The following CLTC variants were observed in gnomAD, a reference collection of about 807,000 sequenced individuals.
The protein encoded by CLTC is clathrin heavy chain 1.
In CLTC, 16 loss-of-function variants were observed where a neutral mutation model predicts 195.8. The ratio of observed to expected loss-of-function variants is 0.08; its 90% confidence interval spans 0.06 to 0.12. The LOEUF (loss-of-function observed/expected upper bound fraction) is 0.12. CLTC is among the 10% of genes least tolerant of loss of function. The pLI, the probability that CLTC is intolerant of heterozygous loss-of-function variation, is 1.00. For missense variants in CLTC, 796 were observed against 2,027.0 expected (o/e 0.39, Z 11.66); for synonymous variants, 667 against 689.4 (o/e 0.97, Z 0.51).
At chr17:59,688,409 C>T (rs1292214527) in intron 30 of CLTC, among the ~76,000 whole-genome samples, 1 of 152,186 alleles carries the variant, frequency 6.6e-6, no homozygotes, top group Non-Finnish European at 1.5e-5. Flanking sequence ...ACAGATGGAA[C>T]TGAATTCATT....
intron 1 of CLTC, among the ~76,000 whole-genome samples, chr17:59,629,327 C>G (rs2031643159): frequency 6.6e-6 from 1 of 152,090 alleles, no homozygotes; most frequent in Non-Finnish European, 1.5e-5. Flanking sequence ...TGCTTCTGTT[C>G]TGAGCACCAG....
chr17:59,677,116 T>C lies in CLTC; in HGVS notation c.2724T>C (p.Tyr908=), dbSNP rs755044218. 2 of 1,614,042 alleles carry C rather than the reference T, an allele frequency of 1.2e-6. No homozygotes were observed. Among genetic ancestry groups the C allele is most frequent in the East Asian group, 2.2e-5 (1 of 44,868 alleles). The change falls in exon 17 of 32, where the codon TAT becomes TAC. Residue 908 remains tyrosine (Y), a synonymous_variant. Transcript: ENST00000269122. ...ATGACAGTCGCGTTGTTGGAAAGTA[T>C]TGTGAGAAGAGAGATCCACATCTGG... The part of the protein sequence containing the change: ...PYYDSRVVGK[Y]CEKRDPHLAC...
At position 59,695,368 on chromosome 17, in the gene CLTC, C is replaced by T. The variant is rs977555638; in HGVS notation, c.*1516C>T. The T allele has an allele frequency of 3.3e-5, 6 of 180,986 alleles. No homozygotes were observed. The highest frequency in any genetic ancestry group is 7.1e-5 in the Non-Finnish European group (6 of 84,822). 11.2% of individuals were successfully genotyped at this position (180,986 alleles called of 1,614,324 possible). A position where few individuals can be genotyped will look rare whatever the true frequency, so the allele number is the denominator to read the frequency against. ...AAGAGTTTTTTAAAACTTAAAATCC[C>T]TGTCCCACCAGGTGTGGTGGCTCAT... is the stretch of plus-strand genomic sequence containing the variant. On this transcript the variant is annotated 3_prime_UTR_variant, in exon 32 of 32. Transcript: ENST00000269122.
In CLTC at chr17:59,690,720, T is replaced by G; in HGVS notation, c.4903+9T>G. The G allele has an allele frequency of 1.3e-6, 2 of 1,597,292 alleles. No individual in the cohort carries two copies. The highest frequency in any genetic ancestry group is 1.7e-6 in the Non-Finnish European group (2 of 1,166,524). Reference sequence around the variant, plus strand: ...ACAACCCATTGTTTATGGTAATCTCTCTCTGTAACCTCAAAAAATTCATTA... The same window carrying G: ...ACAACCCATTGTTTATGGTAATCTCGCTCTGTAACCTCAAAAAATTCATTA... On this transcript the variant is annotated intron_variant, in intron 31 of 31. Coordinates refer to ENST00000269122, the MANE Select transcript of CLTC (RefSeq NM_004859.4).
At chr17:59,633,038 AATCATTTTAAT>A (rs1201353080) in intron 1 of CLTC, among the ~76,000 whole-genome samples, 1 of 30,920 alleles carries the variant, frequency 3.2e-5, no homozygotes, top group East Asian at 7.2e-4. Flanking sequence ...TTGTCATTTT[AATCATTTTAAT>A]GTCATTTTAA....
rs1289396704 is a variant in CLTC, at chr17:59,696,778, C to CTGT, written c.*2928_*2930dup. ...CTTACTTGGGCCCACCCATTTCCAT[C>CTGT]TGTTAAGGTCCATAAGGTTACTCAA... On this transcript the variant is annotated 3_prime_UTR_variant, in exon 32 of 32. Transcript: ENST00000269122. 4 of 204,790 alleles carry CTGT rather than the reference C, an allele frequency of 2.0e-5. No homozygotes were observed. The highest frequency in any genetic ancestry group is 4.6e-5 in the African/African-American group (2 of 43,908). The allele number at this position is 204,790 out of a possible 1,614,324, so 12.7% of individuals were successfully genotyped here.
At chr17:59,636,587 C>T (rs957625840) in intron 1 of CLTC, among the ~76,000 whole-genome samples, 1 of 151,850 alleles carries the variant, frequency 6.6e-6, no homozygotes, top group Non-Finnish European at 1.5e-5. Flanking sequence ...CTCCTGGCCT[C>T]AAGCTATCCT....
At chr17:59,631,077 G>C (rs2031700648) in intron 1 of CLTC, among the ~76,000 whole-genome samples, 1 of 152,144 alleles carries the variant, frequency 6.6e-6, no homozygotes. Context: ...TGGGGTGTTG[G>C]GATGATTCGT....
At chr17:59,625,256 G>A (rs535640395) in intron 1 of CLTC, among the ~76,000 whole-genome samples, 11 of 151,826 alleles carry the variant, frequency 7.2e-5, no homozygotes, top group South Asian at 2.1e-4. Flanking sequence ...CTACAGGCGC[G>A]TGCTACCACG....
At chr17:59,624,029 C>G (rs1387385601) in intron 1 of CLTC, among the ~76,000 whole-genome samples, 1 of 152,162 alleles carries the variant, frequency 6.6e-6, no homozygotes, top group Non-Finnish European at 1.5e-5. Flanking sequence ...ACTCATTGTT[C>G]AAAAGTTTTA....
intron 30 of CLTC, chr17:59,687,281 A>C (rs556759608): frequency 6.6e-6 from 1 of 152,340 alleles, no homozygotes; most frequent in Admixed American, 6.5e-5. Context: ...TCTTAAATAT[A>C]TTATGAAAAA....
In CLTC at chr17:59,683,798, T is replaced by C. The variant is rs2033123232; in HGVS notation, c.4323+42T>C. On this transcript the variant is annotated intron_variant, in intron 27 of 31. Coordinates refer to ENST00000269122, the MANE Select transcript of CLTC (RefSeq NM_004859.4). This position sits in a 1 kb window ranked among gnomAD's most constrained non-coding sequence, Gnocchi z 6.1. ...AAACCAAAGCTTCATAGCAAGGAAT[T>C]AGGACATACTTCGATAACTTTTGTC... is the stretch of plus-strand genomic sequence containing the variant. 1 of 1,613,462 alleles carries C rather than the reference T, an allele frequency of 6.2e-7. No homozygotes were observed. Among genetic ancestry groups the C allele is most frequent in the Non-Finnish European group, 8.5e-7 (1 of 1,179,458 alleles).
intron 7 of CLTC, 73 bp from the exon 8 acceptor site, chr17:59,661,370 C>G: frequency 2.5e-6 from 3 of 1,180,508 alleles, no homozygotes; most frequent in Non-Finnish European, 3.8e-6. Flanking sequence ...ATGTTTGGAT[C>G]ACTTTCGAAG....
chr17:59,648,065 T>C lies in CLTC; in HGVS notation c.520-175T>C, dbSNP rs1423800820. Among the ~76,000 whole-genome samples the C allele has an allele frequency of 1.3e-5, 2 of 152,208 alleles. No homozygotes were observed. Among genetic ancestry groups the C allele is most frequent in the Non-Finnish European group, 2.9e-5 (2 of 68,038 alleles). On this transcript the variant is annotated intron_variant, in intron 3 of 31. Transcript: ENST00000269122. This position sits in a 1 kb window ranked among gnomAD's most constrained non-coding sequence, Gnocchi z 4.5. ...TTTATGTTAGGCTTTAACAAGATAA[T>C]GTTTGGGGCTGATTTTAAGTTAAGA...
chr17:59,629,937 A>G (rs910339430), intron 1 of CLTC, among the ~76,000 whole-genome samples: 4 of 152,214 alleles, frequency 2.6e-5, no homozygotes, highest in Non-Finnish European at 4.4e-5. Context: ...TTTGAAAAGC[A>G]TTGTGAAATG....
chr17:59,674,885 C>T (rs2032930627), intron 16 of CLTC, 42 bp downstream of exon 16: 12 of 1,569,388 alleles, frequency 7.6e-6, no homozygotes, highest in Non-Finnish European at 1.0e-5. Flanking sequence ...TCTTTCTTAA[C>T]ATGGCAATAG....
chr17:59,676,558 A>C (rs193301174), intron 16 of CLTC, among the ~76,000 whole-genome samples: 1 of 152,264 alleles, frequency 6.6e-6, no homozygotes, highest in Non-Finnish European at 1.5e-5. Flanking sequence ...ATCATATAGC[A>C]GATAAACCTG....
At chr17:59,668,648 A>G (rs1038882330) in intron 13 of CLTC, 129 bp from the exon 14 acceptor site, 3 of 662,378 alleles carry the variant, frequency 4.5e-6, no homozygotes, top group Non-Finnish European at 7.3e-6. Flanking sequence ...TAGTATTTTT[A>G]TCGCGCTTTT....
At chr17:59,689,594 G>T (rs1255925268) in intron 30 of CLTC, 1 of 152,110 alleles carries the variant, frequency 6.6e-6, no homozygotes, top group Non-Finnish European at 1.5e-5. Flanking sequence ...TTTTACTTAG[G>T]TATAATGACA....
Sources: gnomAD v4.1 joint callset for allele counts (sites outside exome capture counted in the v4.1 genomes callset) on GRCh38, gnomAD v4.1.1 for gene constraint, Gnocchi (gnomAD v3.1) non-coding constraint, MANE v1.5 for transcripts, NCBI Gene and HGNC (gene_info 2026-07-23, HGNC 2026-07-21) for gene names.